Variants in GTF2A1L observed in about 807,000 individuals in gnomAD.
The protein encoded by GTF2A1L is TFIIA-alpha and beta-like factor.
In GTF2A1L, 48 loss-of-function variants were observed where a neutral mutation model predicts 49.7. The observed-to-expected ratio is 0.97, with a 90% CI of 0.77 to 1.23. GTF2A1L has a LOEUF of 1.23. GTF2A1L is among the 50% of genes most tolerant of loss of function. GTF2A1L has a pLI of 0.00. For missense variants in GTF2A1L, 736 were observed against 564.8 expected (o/e 1.30, Z -3.07); for synonymous variants, 246 against 193.5 (o/e 1.27, Z -2.25).
intron 6 of GTF2A1L, among the ~76,000 whole-genome samples, chr2:48,648,347 A>G (rs973336839): frequency 6.6e-6 from 1 of 152,118 alleles, no homozygotes; most frequent in Non-Finnish European, 1.5e-5. Flanking sequence ...TGTTTTCATC[A>G]CTACTACTTT....
intron 6 of GTF2A1L, among the ~76,000 whole-genome samples, chr2:48,648,728 C>T (rs1281889881): frequency 2.0e-5 from 3 of 152,060 alleles, no homozygotes; most frequent in Admixed American, 1.3e-4. Context: ...TAGATTAGTG[C>T]TATTATGCTC....
At position 48,625,653 on chromosome 2, in the gene GTF2A1L, G is replaced by A. The variant is rs1326106885; in HGVS notation, c.247+4363G>A. ...GCTGGAGTACAGTGGAGCAATCATA[G>A]GTCACTGTAGCCTTGACTTTCCAGG... is the stretch of plus-strand genomic sequence containing the variant. On this transcript the variant is annotated intron_variant, in intron 3 of 8. Coordinates refer to ENST00000403751, the MANE Select transcript of GTF2A1L (RefSeq NM_006872.5). Among the ~76,000 whole-genome samples, 2 of 142,710 alleles carry A rather than the reference G, an allele frequency of 1.4e-5. 1 individual carries two copies. The highest frequency in any genetic ancestry group is 1.4e-4 in the Admixed American group (2 of 13,980). The allele number at this position is 142,710 out of a possible 152,430, so 93.6% of individuals were successfully genotyped here. A position where few individuals can be genotyped will look rare whatever the true frequency, so the allele number is the denominator to read the frequency against.
At chr2:48,619,592 C>T (rs1387421663) in intron 1 of GTF2A1L, among the ~76,000 whole-genome samples, 2 of 151,902 alleles carry the variant, frequency 1.3e-5, no homozygotes, top group Non-Finnish European at 2.9e-5. Flanking sequence ...GATGAAAAGG[C>T]AATCCTAGAG....
At chr2:48,677,517 A>G (rs1474522653) in intron 8 of GTF2A1L, among the ~76,000 whole-genome samples, 1 of 151,978 alleles carries the variant, frequency 6.6e-6, no homozygotes, top group Non-Finnish European at 1.5e-5. Context: ...AGTGAGGAAA[A>G]ATAAAGGATT....
At chr2:48,670,258 G>A (rs1456108059) in intron 7 of GTF2A1L, among the ~76,000 whole-genome samples, 27 of 138,884 alleles carry the variant, frequency 1.9e-4, no homozygotes, top group Non-Finnish European at 1.5e-5. Context: ...GCAGGGCATG[G>A]TGGCACATGC....
Position 48,621,287 on chromosome 2 carries a change from A to G in GTF2A1L, c.244A>G (p.Thr82Ala), listed in dbSNP as rs1368901264. The change falls in exon 3 of 9, where the codon ACA (threonine) becomes GCA (alanine). Residue 82 changes from threonine to alanine, a missense_variant. Coordinates refer to ENST00000403751, the MANE Select transcript of GTF2A1L (RefSeq NM_006872.5). ...CTTGCACCAAACATTGCAATCGTCA[A>G]CAGGTTGGATACCATTAGTAAATGA... is the stretch of plus-strand genomic sequence containing the variant. ...HSLHQTLQSSTASLVIPAGRT... is the reference protein window; with the variant it reads ...HSLHQTLQSSAASLVIPAGRT... 1.9e-6 allele frequency: 3 copies of G among 1,614,144 alleles called. No homozygotes were observed. Among genetic ancestry groups the G allele is most frequent in the South Asian group, 2.2e-5 (2 of 91,074 alleles).
chr2:48,665,286 CT>C (rs34095285), intron 6 of GTF2A1L, among the ~76,000 whole-genome samples: 7,039 of 129,958 alleles, frequency 0.054, 526 homozygotes, highest in African/African-American at 0.18. Flanking sequence ...TTCTCTCTCT[CT>C]TTTTTTTTTT....
At position 48,647,030 on chromosome 2, in the gene GTF2A1L, T is replaced by A; in HGVS notation, c.966T>A (p.Pro322=). The change falls in exon 6 of 9, where the codon CCT becomes CCA. Residue 322 remains proline (P), a synonymous_variant. Transcript: ENST00000403751. ...ATATAGAGGAACCCAGCAACATACC[T>A]GTATCAGAGAAGGTATAGTTCTGTG... ...PRNIEEPSNI[P]VSEKDSNSQV... The A allele has an allele frequency of 6.2e-7, 1 of 1,606,548 alleles. No homozygotes were observed.
chr2:48,631,090 A>G (rs951555623), intron 3 of GTF2A1L, among the ~76,000 whole-genome samples: 1 of 151,800 alleles, frequency 6.6e-6, no homozygotes, highest in Non-Finnish European at 1.5e-5. Flanking sequence ...TTTTTTTATC[A>G]TGTCTTTTTC....
Position 48,628,030 on chromosome 2 carries a change from T to C in GTF2A1L, c.247+6740T>C, listed in dbSNP as rs1676383091. Among the ~76,000 whole-genome samples, 3 of 144,166 alleles carry C rather than the reference T, an allele frequency of 2.1e-5. 1 individual carries two copies. The South Asian group carries it at 7.0e-4, about 34-fold the overall frequency. The allele number at this position is 144,166 out of a possible 152,430, so 94.6% of individuals were successfully genotyped here. A position where few individuals can be genotyped will look rare whatever the true frequency, so the allele number is the denominator to read the frequency against. On this transcript the variant is annotated intron_variant, in intron 3 of 8. Coordinates refer to ENST00000403751, the MANE Select transcript of GTF2A1L (RefSeq NM_006872.5). Reference sequence around the variant, plus strand: ...CTTAGGATACCAGCCTCCAGCAGCATTCGTGTTGCTGCAAAGGACATGATT... The same window carrying C: ...CTTAGGATACCAGCCTCCAGCAGCACTCGTGTTGCTGCAAAGGACATGATT...
rs1431286221 is a variant in GTF2A1L at position 48,642,463 on chromosome 2, T to C, written c.303+6T>C. ...GTTTTACCACAGCAGAACTGGTATG[T>C]AGCTTACTTAAAATATATTTTAAAA... On this transcript the variant is annotated splice_donor_region_variant and intron_variant, in intron 4 of 8. Coordinates refer to ENST00000403751, the MANE Select transcript of GTF2A1L (RefSeq NM_006872.5). 6.3e-7 allele frequency: 1 copy of C among 1,574,860 alleles called. No homozygotes were observed.
chr2:48,636,460 A>G (rs950218409), intron 3 of GTF2A1L, among the ~76,000 whole-genome samples: 5 of 152,182 alleles, frequency 3.3e-5, no homozygotes, highest in South Asian at 2.1e-4. Context: ...GTGAGTAGCA[A>G]TTGAGAATAA....
chr2:48,671,176 G>A (rs954498181), intron 7 of GTF2A1L, among the ~76,000 whole-genome samples: 5 of 151,668 alleles, frequency 3.3e-5, no homozygotes, highest in Admixed American at 2.0e-4. Flanking sequence ...ATATTCTGCT[G>A]CTCTAGGTTC....
At chr2:48,652,725 C>T (rs565175004) in intron 6 of GTF2A1L, among the ~76,000 whole-genome samples, 7 of 151,080 alleles carry the variant, frequency 4.6e-5, no homozygotes, top group African/African-American at 7.3e-5. Context: ...GATGGAGTCT[C>T]GCTCTGTCGC....
In GTF2A1L at chr2:48,669,976, A is replaced by T; in HGVS notation, c.1233A>T (p.Val411=). The T allele has an allele frequency of 6.2e-7, 1 of 1,609,888 alleles. No individual in the cohort carries two copies. Among genetic ancestry groups the T allele is most frequent in the South Asian group, 1.1e-5 (1 of 90,140 alleles). ...ATGAAGACCCTCAAGTAAACATTGT[A>T]GAAGAGGTGAGGATGACTTTTGAGC... ...SDNEDPQVNI[V]EEDPLNSGDD... is the part of the protein sequence containing the mutation. Residue 411 remains valine, a synonymous_variant, in exon 7 of 9, where the codon GTA becomes GTT. Transcript: ENST00000403751.
chr2:48,632,620 A>T (rs1676646023), intron 3 of GTF2A1L: 1 of 155,270 alleles, frequency 6.4e-6, no homozygotes, highest in Admixed American at 6.5e-5. Context: ...CAACCTTGTG[A>T]TCCACCAGCC....
intron 3 of GTF2A1L, among the ~76,000 whole-genome samples, chr2:48,634,301 G>A (rs568286529): frequency 1.8e-4 from 27 of 152,118 alleles, no homozygotes; most frequent in Middle Eastern, 3.4e-3. Context: ...TAGTAGAGAC[G>A]GGATTTCACC....
chr2:48,656,942 GAA>G (rs1215246748), intron 6 of GTF2A1L, among the ~76,000 whole-genome samples: 1 of 152,060 alleles, frequency 6.6e-6, no homozygotes, highest in Admixed American at 6.6e-5. Context: ...ATGATTTGTT[GAA>G]AAGACTGTCC....
In GTF2A1L at chr2:48,666,793, A is replaced by G. The variant is rs1678870064; in HGVS notation, c.979-2929A>G. On this transcript the variant is annotated intron_variant, in intron 6 of 8. Transcript: ENST00000403751. ...GTTTTTCTTTTTTCTTTATTTTCCTAACTCCCCAAACTTGTTATCTGTGCT... is the reference window on the plus strand; with the variant it reads ...GTTTTTCTTTTTTCTTTATTTTCCTGACTCCCCAAACTTGTTATCTGTGCT... Among the ~76,000 whole-genome samples the G allele has an allele frequency of 2.0e-5, 3 of 151,674 alleles. No individual in the cohort carries two copies. In the South Asian group the frequency reaches 6.2e-4, roughly 32 times the overall value.
Sources: gnomAD v4.1 joint callset for allele counts (sites outside exome capture counted in the v4.1 genomes callset) on GRCh38, gnomAD v4.1.1 for gene constraint, MANE v1.5 for transcripts, NCBI Gene and HGNC (gene_info 2026-07-23, HGNC 2026-07-21) for gene names.